The following CXADR variants were observed in gnomAD, a reference collection of about 807,000 sequenced individuals.
CXADR encodes the protein CXADR cell adhesion molecule, also known as coxsackievirus and adenovirus receptor.
A neutral mutation model predicts 40.3 loss-of-function variants in CXADR; 20 were observed. The ratio of observed to expected loss-of-function variants is 0.50; its 90% CI spans 0.35 to 0.72. The LOEUF is 0.72. Among genes scored for constraint, CXADR ranks in the 30% least tolerant of loss-of-function variants. The pLI is 0.01. For missense variants in CXADR, 332 were observed against 449.1 expected (o/e 0.74, Z 2.36); for synonymous variants, 150 against 161.3 (o/e 0.93, Z 0.53).
At chr21:17,527,653 T>C (rs544732990) in intron 1 of CXADR, among the ~76,000 whole-genome samples, 2 of 152,274 alleles carry the variant, frequency 1.3e-5, no homozygotes, top group Admixed American at 1.3e-4. Context: ...TATCTGAAAA[T>C]GTAAGGTATT....
At chr21:17,601,354 G>A in the CXADR span, among the ~76,000 whole-genome samples, 52 of 152,120 alleles carry the variant, frequency 3.4e-4, no homozygotes, top group East Asian at 9.1e-3. Context: ...GTGACTCTTC[G>A]TAGTATAAAA....
At chr21:17,586,906 A>G (rs928012889) in intron 7 of CXADR, among the ~76,000 whole-genome samples, 1 of 151,924 alleles carries the variant, frequency 6.6e-6, no homozygotes, top group Non-Finnish European at 1.5e-5. Flanking sequence ...ACCCCACAAC[A>G]GTCCCTGGTG....
At chr21:17,594,323 G>A (rs551416462), downstream of CXADR, 14 of 1,612,768 alleles carry the variant, frequency 8.7e-6, 1 homozygote, top group Admixed American at 2.0e-4. Flanking sequence ...GGAAATATAA[G>A]TTCTGAAATC....
the CXADR span, among the ~76,000 whole-genome samples, chr21:17,600,675 G>A: frequency 1.3e-5 from 2 of 151,166 alleles, no homozygotes. Context: ...AAAAAAACAA[G>A]AACAAAAAAT....
At chr21:17,565,144 GACA>G (rs1195265421) in intron 6 of CXADR, among the ~76,000 whole-genome samples, 1 of 152,166 alleles carries the variant, frequency 6.6e-6, no homozygotes, top group Non-Finnish European at 1.5e-5. Context: ...TGTTTTGTAA[GACA>G]ACATTCTAGA....
Position 17,566,839 on chromosome 21 carries a change from G to C in CXADR, c.*1147G>C, listed in dbSNP as rs1322757237. Reference sequence around the variant, plus strand: ...TCAATTCTGTATTCCAGACTTGGGAGGATGTACAGTTGCTGTTGTGTGATC... The same window carrying C: ...TCAATTCTGTATTCCAGACTTGGGACGATGTACAGTTGCTGTTGTGTGATC... On this transcript the variant is annotated 3_prime_UTR_variant, in exon 7 of 7. Coordinates refer to ENST00000284878, the MANE Select transcript of CXADR (RefSeq NM_001338.5). The C allele has an allele frequency of 1.0e-6, 1 of 978,982 alleles. No homozygotes were observed. Among genetic ancestry groups the C allele is most frequent in the East Asian group, 1.1e-4 (1 of 8,782 alleles). The allele number at this position is 978,982 out of a possible 1,614,324, so 60.6% of individuals were successfully genotyped here.
At chr21:17,603,653 T>C in the CXADR span, among the ~76,000 whole-genome samples, 4 of 152,138 alleles carry the variant, frequency 2.6e-5, no homozygotes, top group African/African-American at 7.2e-5. Flanking sequence ...CAAAACCAAA[T>C]AGAAACATCC....
rs8132702 is a variant in CXADR, at chr21:17,550,381, T to G, written c.211-1368T>G. Among the ~76,000 whole-genome samples the G allele has an allele frequency of 4.8e-3, 684 of 143,308 alleles. 4 individuals carry two copies. The highest frequency in any genetic ancestry group is 0.015 in the African/African-American group (604 of 39,032). 94.0% of individuals were successfully genotyped at this position (143,308 alleles called of 152,430 possible). Reference sequence around the variant, plus strand: ...AAAAAAAAAAAAGATCTTTGGTGGGTTGGGGTGGGGTCAGTGTGGTTGGGA... The same window carrying G: ...AAAAAAAAAAAAGATCTTTGGTGGGGTGGGGTGGGGTCAGTGTGGTTGGGA... On this transcript the variant is annotated intron_variant, in intron 2 of 6. Transcript: ENST00000284878.
chr21:17,560,618 A>G (rs2061104147), intron 4 of CXADR, 84 bp from the exon 5 acceptor site: 3 of 1,383,710 alleles, frequency 2.2e-6, no homozygotes, highest in African/African-American at 2.9e-5. Flanking sequence ...GGATTGTTTA[A>G]TTTGGAGAGG....
chr21:17,603,529 T>C, the CXADR span, among the ~76,000 whole-genome samples: 1 of 152,308 alleles, frequency 6.6e-6, no homozygotes, highest in East Asian at 1.9e-4. Flanking sequence ...TCCACCTTCA[T>C]TGCTGGAATC....
intron 1 of CXADR, among the ~76,000 whole-genome samples, chr21:17,527,800 T>TTTTA (rs199779900): frequency 0.022 from 3,311 of 151,644 alleles, 139 homozygotes; most frequent in African/African-American, 0.075. Flanking sequence ...ATTTTTTTAT[T>TTTTA]TTTATTTATT....
At chr21:17,574,044 T>C (rs1488194815), downstream of CXADR, among the ~76,000 whole-genome samples, 1 of 152,252 alleles carries the variant, frequency 6.6e-6, no homozygotes, top group Non-Finnish European at 1.5e-5. Context: ...CAGGAAGTGA[T>C]AAGAACTTCT....
chr21:17,561,241 C>CAT, intron 5 of CXADR, 97 bp from the exon 6 acceptor site: 1 of 613,648 alleles, frequency 1.6e-6, no homozygotes, highest in Non-Finnish European at 2.3e-6. Context: ...TTAAAGTTAA[C>CAT]ACGTGATGAA....
intron 2 of CXADR, among the ~76,000 whole-genome samples, chr21:17,548,946 G>A (rs1272848401): frequency 6.6e-6 from 1 of 152,160 alleles, no homozygotes; most frequent in Non-Finnish European, 1.5e-5. Context: ...AGAAGAGGAT[G>A]CATACATGGA....
At chr21:17,598,874 C>A in the CXADR span, 5 of 1,440,944 alleles carry the variant, frequency 3.5e-6, no homozygotes, top group Admixed American at 6.4e-5. Flanking sequence ...ATCAGCAAAG[C>A]AAAAAATGTC....
chr21:17,566,682 T>G lies in CXADR; in HGVS notation c.*990T>G, dbSNP rs562283819. 1.0e-6 allele frequency: 1 copy of G among 983,712 alleles called. No individual in the cohort carries two copies. The highest frequency in any genetic ancestry group is 6.1e-5 in the Admixed American group (1 of 16,280). The allele number at this position is 983,712 out of a possible 1,614,324, so 60.9% of individuals were successfully genotyped here. ...GCTTTATGTTGTTGTTGTTTTTGGA[T>G]GGTGTTACATATTATATGTTCTAGA... On this transcript the variant is annotated 3_prime_UTR_variant, in exon 7 of 7. Transcript: ENST00000284878.
Position 17,565,530 on chromosome 21 carries a change from A to G in CXADR, c.936A>G (p.Gly312=). Residue 312 remains glycine, a synonymous_variant, in exon 7 of 7, where the codon GGA becomes GGG. Transcript: ENST00000284878. ...CCATGTCTCCTTCCAACATGGAAGG[A>G]TATTCCAAGACTCAGTATAACCAAG... ...LGSMSPSNME[G]YSKTQYNQVP... is the part of the protein sequence containing the mutation. 6.2e-7 allele frequency: 1 copy of G among 1,613,926 alleles called. No individual in the cohort carries two copies. Among genetic ancestry groups the G allele is most frequent in the Non-Finnish European group, 8.5e-7 (1 of 1,179,838 alleles).
chr21:17,565,644 G>A lies in CXADR; in HGVS notation c.1050G>A (p.Ala350=), dbSNP rs147734482. 456 of 1,612,022 alleles carry A rather than the reference G, an allele frequency of 2.8e-4. 2 individuals carry two copies. In the African/African-American group the frequency reaches 5.4e-3, roughly 19 times the overall value. Residue 350 remains alanine, a synonymous_variant, in exon 7 of 7, where the codon GCG becomes GCA. Coordinates refer to ENST00000284878, the MANE Select transcript of CXADR (RefSeq NM_001338.5). ...VAAPNLSRMG[A]IPVMIPAQSK... is the part of the protein sequence containing the mutation. ...CCCCTAATCTAAGTCGAATGGGTGC[G>A]ATTCCTGTGATGATTCCAGCACAGA...
chr21:17,631,222 G>A, the CXADR span, among the ~76,000 whole-genome samples: 3 of 152,016 alleles, frequency 2.0e-5, no homozygotes, highest in African/African-American at 7.2e-5. Flanking sequence ...TGACACTTAC[G>A]GTAGAATCAT....
Sources: allele counts gnomAD v4.1 joint callset (sites outside exome capture counted in the v4.1 genomes callset), GRCh38; gene constraint gnomAD v4.1.1; transcripts MANE v1.5; gene names NCBI Gene and HGNC (gene_info 2026-07-23, HGNC 2026-07-21).